Variants in MAPK4 observed in about 807,000 individuals in gnomAD.
The protein encoded by MAPK4 is Erk3-related.
In MAPK4, 22 loss-of-function variants were observed where a neutral mutation model predicts 47.7. That is an observed-to-expected ratio of 0.46 (90% CI 0.33 to 0.66). The LOEUF is 0.66. MAPK4 is among the 30% of genes least tolerant of loss of function. The probability of loss-of-function intolerance (pLI) is 0.02; values close to 1 mark genes in which losing one functional copy is unlikely to be tolerated. For synonymous variants in MAPK4, 390 were observed against 365.7 expected (o/e 1.07, Z -0.76); for missense variants, 736 against 831.7 (o/e 0.88, Z 1.42).
intron 1 of MAPK4, among the ~76,000 whole-genome samples, chr18:50,651,065 A>G (rs372459514): frequency 1.8e-4 from 28 of 152,358 alleles, no homozygotes; most frequent in African/African-American, 6.0e-4. Flanking sequence ...TGTAATTAGT[A>G]TGAACTGACT....
intron 2 of MAPK4, among the ~76,000 whole-genome samples, chr18:50,711,011 CG>C (rs1003449092): frequency 2.2e-4 from 34 of 152,282 alleles, no homozygotes; most frequent in African/African-American, 7.7e-4. Context: ...CCACCCAGCA[CG>C]GGCTTGCTGG....
chr18:50,690,977 T>G (rs1292186725), intron 2 of MAPK4, among the ~76,000 whole-genome samples: 1 of 151,726 alleles, frequency 6.6e-6, no homozygotes, highest in Non-Finnish European at 1.5e-5. Context: ...AAGGAAGGAT[T>G]CATGCTCAGT....
intron 2 of MAPK4, chr18:50,705,751 C>T (rs913286482): frequency 2.0e-5 from 3 of 152,184 alleles, no homozygotes; most frequent in African/African-American, 7.2e-5. Flanking sequence ...CGTGGCTCGC[C>T]CCTTGACTCA....
intron 1 of MAPK4, among the ~76,000 whole-genome samples, chr18:50,570,618 G>C (rs2042241274): frequency 6.6e-6 from 1 of 152,206 alleles, no homozygotes; most frequent in South Asian, 2.1e-4. Flanking sequence ...TGAACCATCA[G>C]ATCCAGGCTC....
chr18:50,585,146 G>C (rs561841927), intron 1 of MAPK4, among the ~76,000 whole-genome samples: 1 of 152,314 alleles, frequency 6.6e-6, no homozygotes, highest in African/African-American at 2.4e-5. Flanking sequence ...TAATAAAGAT[G>C]CTTGGGTGTC....
At chr18:50,702,594 T>A (rs995933450) in intron 2 of MAPK4, among the ~76,000 whole-genome samples, 8 of 152,208 alleles carry the variant, frequency 5.3e-5, no homozygotes, top group Non-Finnish European at 8.8e-5. Flanking sequence ...AACATAAATA[T>A]TCATTTTCAT....
At chr18:50,578,848 G>T (rs2042319769) in intron 1 of MAPK4, among the ~76,000 whole-genome samples, 1 of 152,194 alleles carries the variant, frequency 6.6e-6, no homozygotes, top group South Asian at 2.1e-4. Flanking sequence ...AGGAGGGAGT[G>T]TGACTCAGAG....
At chr18:50,575,428 T>C (rs1273108736) in intron 1 of MAPK4, among the ~76,000 whole-genome samples, 4 of 152,216 alleles carry the variant, frequency 2.6e-5, no homozygotes, top group Non-Finnish European at 5.9e-5. Context: ...GGCACCTGAG[T>C]GCTCAAAAGC....
In MAPK4 at chr18:50,726,109, TCGA is replaced by T. The variant is rs1911182413; in HGVS notation, c.1006_1008del (p.Asp336del). 2.5e-6 allele frequency: 4 copies of T among 1,614,152 alleles called. No homozygotes were observed. The highest frequency in any genetic ancestry group is 1.3e-5 in the African/African-American group (1 of 75,040). On this transcript the variant is annotated inframe_deletion, in exon 5 of 6. Coordinates refer to ENST00000400384, the MANE Select transcript of MAPK4 (RefSeq NM_002747.4). ...CACCCCTTCCGCATTGAGGATGAGA[TCGA>T]CGACATCGTGCTGATGGCCGCTAAC... is the stretch of plus-strand genomic sequence containing the variant.
intron 5 of MAPK4, among the ~76,000 whole-genome samples, chr18:50,727,413 A>T (rs1018555714): frequency 9.9e-5 from 15 of 152,202 alleles, no homozygotes; most frequent in African/African-American, 2.7e-4. Context: ...GCACTGAGGG[A>T]GGGCCAGGGC....
Position 50,621,034 on chromosome 18 carries a change from AT to A in MAPK4, c.-870-42052del, listed in dbSNP as rs1234608027. 2.0e-5 allele frequency among the ~76,000 whole-genome samples: 3 copies of A among 152,280 alleles called. No homozygotes were observed. In the East Asian group the frequency reaches 5.8e-4, roughly 29 times the overall value. On this transcript the variant is annotated intron_variant, in intron 1 of 5. Transcript: ENST00000400384. ...AAAACAGTGCTTAACTTTATCGATC[AT>A]TTGCTACATTACTGGGCACTGTGCT...
chr18:50,690,807 A>G (rs1216497028), intron 2 of MAPK4, among the ~76,000 whole-genome samples: 2 of 152,180 alleles, frequency 1.3e-5, no homozygotes, highest in Admixed American at 6.5e-5. Context: ...TTTTAAATGA[A>G]CCTGTGCTAC....
At chr18:50,688,145 G>A (rs1177521094) in intron 2 of MAPK4, among the ~76,000 whole-genome samples, 1 of 152,190 alleles carries the variant, frequency 6.6e-6, no homozygotes, top group Non-Finnish European at 1.5e-5. Flanking sequence ...AGTCTGGTGG[G>A]GGAGGCGGCA....
At position 50,612,108 on chromosome 18, in the gene MAPK4, A is replaced by T. The variant is rs142368042; in HGVS notation, c.-870-50981A>T. ...AAGCTCTCTTCACCCTCCCATTCTGACCTTAGATTAGTTTTGTCTGATCTT... is the reference window on the plus strand; with the variant it reads ...AAGCTCTCTTCACCCTCCCATTCTGTCCTTAGATTAGTTTTGTCTGATCTT... On this transcript the variant is annotated intron_variant, in intron 1 of 5. Coordinates refer to ENST00000400384, the MANE Select transcript of MAPK4 (RefSeq NM_002747.4). 4.1e-3 allele frequency among the ~76,000 whole-genome samples: 629 copies of T among 152,216 alleles called. 6 individuals are homozygous for T. The highest frequency in any genetic ancestry group is 0.015 in the African/African-American group (605 of 41,540).
chr18:50,648,839 GGGCA>G (rs1193185145), intron 1 of MAPK4, among the ~76,000 whole-genome samples: 1 of 152,130 alleles, frequency 6.6e-6, no homozygotes, highest in Non-Finnish European at 1.5e-5. Context: ...GGCCTCATGG[GGGCA>G]GGTCAGCAAG....
chr18:50,632,098 TCCAAATGGGG>T (rs1436170361), intron 1 of MAPK4, among the ~76,000 whole-genome samples: 2 of 152,112 alleles, frequency 1.3e-5, no homozygotes, highest in Non-Finnish European at 2.9e-5. Flanking sequence ...GTTAGAGGCT[TCCAAATGGGG>T]CCCCAGAGTG....
chr18:50,632,637 T>TG (rs2042841846), intron 1 of MAPK4, among the ~76,000 whole-genome samples: 2 of 120,676 alleles, frequency 1.7e-5, no homozygotes, highest in Non-Finnish European at 3.5e-5. Context: ...TTTTTTTTTT[T>TG]GAGACAGAGT....
intron 1 of MAPK4, chr18:50,629,711 G>T (rs2144149423): frequency 6.6e-6 from 1 of 152,414 alleles, no homozygotes; most frequent in African/African-American, 2.4e-5. Flanking sequence ...AAGGCAGGGG[G>T]TTGGGGGTTG....
chr18:50,730,045 C>A lies in MAPK4; in HGVS notation c.*191C>A. 3.7e-6 allele frequency: 2 copies of A among 547,288 alleles called. No individual in the cohort carries two copies. The highest frequency in any genetic ancestry group is 6.1e-6 in the Non-Finnish European group (2 of 329,340). The allele number at this position is 547,288 out of a possible 1,614,324, so 33.9% of individuals were successfully genotyped here. On this transcript the variant is annotated 3_prime_UTR_variant, in exon 6 of 6. Coordinates refer to ENST00000400384, the MANE Select transcript of MAPK4 (RefSeq NM_002747.4). ...ATAACTAGCCTTTAACCTGTGGGAG[C>A]GGGTTTGAACAGGACCCTGGCTTAG...
Sources: allele counts gnomAD v4.1 joint callset (sites outside exome capture counted in the v4.1 genomes callset), GRCh38; gene constraint gnomAD v4.1.1; transcripts MANE v1.5; gene names NCBI Gene and HGNC (gene_info 2026-07-23, HGNC 2026-07-21).